GPHN: variants seen among roughly 807,000 people sequenced by gnomAD.
GPHN encodes the protein gephyrin.
A neutral mutation model predicts 95.5 loss-of-function variants in GPHN; 17 were observed. The observed-to-expected ratio is 0.18, with a 90% CI of 0.12 to 0.27. The LOEUF is 0.27. Ranked by LOEUF, GPHN falls within the 10% of genes least tolerant of loss-of-function variation. The pLI is 1.00. For missense variants in GPHN, 660 were observed against 978.1 expected (o/e 0.67, Z 4.34); for synonymous variants, 320 against 322.5 (o/e 0.99, Z 0.08).
intron 1 of GPHN, among the ~76,000 whole-genome samples, chr14:66,570,652 C>CA (rs1165563275): frequency 2.0e-5 from 3 of 152,260 alleles, no homozygotes; most frequent in Non-Finnish European, 2.9e-5. Flanking sequence ...ATTATTGACT[C>CA]AAAGAATTGT....
chr14:66,736,344 T>C (rs1469928150), intron 2 of GPHN, among the ~76,000 whole-genome samples: 1 of 152,032 alleles, frequency 6.6e-6, no homozygotes, highest in Non-Finnish European at 1.5e-5. Flanking sequence ...AGTTAAGTAC[T>C]ACCGAGTTAG....
At chr14:67,023,497 C>T (rs184432584) in intron 9 of GPHN, 136 bp from the exon 10 acceptor site, 79 of 628,026 alleles carry the variant, frequency 1.3e-4, no homozygotes, top group Middle Eastern at 2.5e-4. Flanking sequence ...AACATTTTTA[C>T]TAACATGTTA....
At chr14:67,542,507 CA>C in the GPHN span, among the ~76,000 whole-genome samples, 1 of 152,138 alleles carries the variant, frequency 6.6e-6, no homozygotes, top group Non-Finnish European at 1.5e-5. Flanking sequence ...CAAAAAAACA[CA>C]AATGTCTACT....
the GPHN span, among the ~76,000 whole-genome samples, chr14:67,596,033 A>G: frequency 5.3e-5 from 8 of 152,208 alleles, no homozygotes; most frequent in African/African-American, 1.9e-4. Flanking sequence ...TCTAAGACCA[A>G]TGTATAATCT....
chr14:67,090,508 T>C (rs570231531), intron 12 of GPHN, among the ~76,000 whole-genome samples: 19 of 152,174 alleles, frequency 1.2e-4, no homozygotes, highest in Admixed American at 1.2e-3. Flanking sequence ...TAAATTAATT[T>C]TGTGTTTAGA....
chr14:67,362,005 C>G, the GPHN span, among the ~76,000 whole-genome samples: 3 of 140,500 alleles, frequency 2.1e-5, no homozygotes, highest in Non-Finnish European at 3.1e-5. Flanking sequence ...AGGTAAGAGT[C>G]TTTTTTTTTT....
At chr14:66,754,378 A>G (rs2058485330) in intron 2 of GPHN, among the ~76,000 whole-genome samples, 1 of 152,008 alleles carries the variant, frequency 6.6e-6, no homozygotes, top group African/African-American at 2.4e-5. Context: ...TTCAATTTAT[A>G]CTACTAGTGA....
At chr14:67,605,438 C>T in the GPHN span, among the ~76,000 whole-genome samples, 2 of 152,178 alleles carry the variant, frequency 1.3e-5, no homozygotes, top group Non-Finnish European at 1.5e-5. Context: ...CTCACTATAA[C>T]TTCAAATTCC....
chr14:67,231,991 C>T, the GPHN span, among the ~76,000 whole-genome samples: 2 of 150,884 alleles, frequency 1.3e-5, no homozygotes, highest in African/African-American at 4.9e-5. Flanking sequence ...AAAAAATTAA[C>T]ATGATAATTT....
the GPHN span, among the ~76,000 whole-genome samples, chr14:67,285,366 A>ATTTTT: frequency 1.2e-4 from 17 of 137,866 alleles, no homozygotes; most frequent in African/African-American, 3.5e-4. Flanking sequence ...CCTTAGGTAA[A>ATTTTT]TTTTTTTTTT....
At chr14:67,663,652 C>T in the GPHN span, among the ~76,000 whole-genome samples, 13 of 151,864 alleles carry the variant, frequency 8.6e-5, no homozygotes, top group South Asian at 2.5e-3. Context: ...CCAGCCTGGG[C>T]GACAGAGGGA....
chr14:67,325,284 CTA>C, the GPHN span, among the ~76,000 whole-genome samples: 8 of 152,246 alleles, frequency 5.3e-5, no homozygotes, highest in East Asian at 9.6e-4. Context: ...TTTTTTCACT[CTA>C]TGTCTACTTA....
At chr14:67,572,376 G>A in the GPHN span, 1 of 1,024,414 alleles carries the variant, frequency 9.8e-7, no homozygotes, top group South Asian at 1.6e-5. Context: ...CCTGAAGTGA[G>A]GGGTCCCTAG....
the GPHN span, among the ~76,000 whole-genome samples, chr14:67,723,364 G>T: frequency 6.6e-6 from 1 of 152,174 alleles, no homozygotes; most frequent in African/African-American, 2.4e-5. Flanking sequence ...CTCCCAAGTA[G>T]TTGGGAATAT....
the GPHN span, chr14:67,350,729 T>TTTTACAAGGAAATATTCCA: frequency 1.3e-6 from 2 of 1,550,648 alleles, no homozygotes; most frequent in Non-Finnish European, 1.8e-6. Context: ...CAACCAAGCC[T>TTTTACAAGGAAATATTCCA]TTTACAAGGA....
chr14:67,173,301 TC>T (rs1421845447), intron 21 of GPHN, among the ~76,000 whole-genome samples: 1 of 152,100 alleles, frequency 6.6e-6, no homozygotes, highest in African/African-American at 2.4e-5. Flanking sequence ...AAGAGGGATC[TC>T]CCTAGGCTAT....
the GPHN span, among the ~76,000 whole-genome samples, chr14:67,697,364 CAA>C: frequency 6.6e-6 from 1 of 152,102 alleles, no homozygotes; most frequent in African/African-American, 2.4e-5. Context: ...GCAACATAGA[CAA>C]GAGTGTGCTG....
At chr14:67,372,641 C>T in the GPHN span, among the ~76,000 whole-genome samples, 3 of 151,962 alleles carry the variant, frequency 2.0e-5, no homozygotes, top group Admixed American at 1.3e-4. Context: ...CTATCCTGGC[C>T]AACATGGTGA....
At chr14:66,636,571 A>C (rs1021408182) in intron 1 of GPHN, among the ~76,000 whole-genome samples, 2 of 152,138 alleles carry the variant, frequency 1.3e-5, no homozygotes, top group African/African-American at 4.8e-5. Context: ...GCCAAGCTTT[A>C]AAAAAATTAC....
Sources: gnomAD v4.1 joint callset for allele counts (sites outside exome capture counted in the v4.1 genomes callset) on GRCh38, gnomAD v4.1.1 for gene constraint, MANE v1.5 for transcripts, NCBI Gene and HGNC (gene_info 2026-07-23, HGNC 2026-07-21) for gene names.